Variants in DSCAM observed in about 807,000 individuals in gnomAD.
The protein encoded by DSCAM is cell adhesion molecule DSCAM.
In DSCAM, 47 loss-of-function variants were observed where a neutral mutation model predicts 217.7. The observed-to-expected ratio is 0.22, with a 90% CI of 0.17 to 0.28. The LOEUF (loss-of-function observed/expected upper bound fraction) is 0.28, where lower values mean the gene tolerates loss of function less well. Ranked by LOEUF, DSCAM falls within the 10% of genes least tolerant of loss-of-function variation. DSCAM has a pLI of 1.00. For synonymous variants in DSCAM, 1,056 were observed against 1,015.3 expected, an observed-to-expected ratio of 1.04 and a Z score of -0.76; for missense variants, 2,080 against 2,618.3, an observed-to-expected ratio of 0.79 and a Z score of 4.49.
chr21:40,118,626 T>C (rs532290995), intron 20 of DSCAM, among the ~76,000 whole-genome samples: 7 of 152,308 alleles, frequency 4.6e-5, no homozygotes, highest in Non-Finnish European at 8.8e-5. Context: ...AGAGAGCTCT[T>C]GTGACATGAT....
chr21:40,834,477 A>G (rs1271599454), intron 1 of DSCAM, among the ~76,000 whole-genome samples: 1 of 149,932 alleles, frequency 6.7e-6, no homozygotes, highest in Non-Finnish European at 1.5e-5. Context: ...ATAGTTGCCC[A>G]GTTCCATGGA....
At chr21:40,245,838 A>T (rs1255904630) in intron 11 of DSCAM, among the ~76,000 whole-genome samples, 6 of 152,150 alleles carry the variant, frequency 3.9e-5, no homozygotes, top group Non-Finnish European at 8.8e-5. Flanking sequence ...GGGATGGTAG[A>T]TTGCTGATAA....
At chr21:40,131,691 T>A (rs1180560060) in intron 19 of DSCAM, among the ~76,000 whole-genome samples, 4 of 152,170 alleles carry the variant, frequency 2.6e-5, no homozygotes, top group African/African-American at 9.7e-5. Context: ...TTTTTGAAAA[T>A]GCAGACTTAT....
intron 1 of DSCAM, among the ~76,000 whole-genome samples, chr21:40,816,803 T>A (rs1204678419): frequency 6.6e-6 from 1 of 152,202 alleles, no homozygotes; most frequent in Non-Finnish European, 1.5e-5. Flanking sequence ...TATGCCCATA[T>A]TTATTTTTTA....
intron 10 of DSCAM, among the ~76,000 whole-genome samples, chr21:40,289,322 A>G: frequency 6.6e-6 from 1 of 152,224 alleles, no homozygotes; most frequent in South Asian, 2.1e-4. Flanking sequence ...AGCCTCCATC[A>G]GTGAAAACAG....
chr21:40,301,688 C>T (rs2074017887), intron 9 of DSCAM, among the ~76,000 whole-genome samples: 1 of 122,452 alleles, frequency 8.2e-6, no homozygotes, highest in Non-Finnish European at 1.6e-5. Context: ...ATTCCTTTCT[C>T]ACAGGCCATG....
intron 1 of DSCAM, among the ~76,000 whole-genome samples, chr21:40,834,067 T>A (rs960197526): frequency 1.2e-4 from 18 of 152,176 alleles, no homozygotes; most frequent in Non-Finnish European, 1.5e-5. Flanking sequence ...GTCCGGTGCA[T>A]ACTTCTTTTA....
At chr21:40,548,720 C>T (rs955268653) in intron 3 of DSCAM, among the ~76,000 whole-genome samples, 1 of 152,116 alleles carries the variant, frequency 6.6e-6, no homozygotes, top group African/African-American at 2.4e-5. Flanking sequence ...AGCCTTTCTA[C>T]ATCCTCAACA....
At chr21:40,333,992 T>C (rs535292017) in intron 8 of DSCAM, among the ~76,000 whole-genome samples, 1 of 152,324 alleles carries the variant, frequency 6.6e-6, no homozygotes, top group East Asian at 1.9e-4. Context: ...AATCTAAAAA[T>C]AGGTAAACTT....
intron 16 of DSCAM, among the ~76,000 whole-genome samples, chr21:40,159,015 T>G (rs1366781280): frequency 6.6e-6 from 1 of 151,992 alleles, no homozygotes; most frequent in Non-Finnish European, 1.5e-5. Flanking sequence ...AAGGCACACA[T>G]TGTGTTTTTC....
chr21:40,785,564 T>C (rs1023177579), intron 1 of DSCAM, among the ~76,000 whole-genome samples: 1 of 152,268 alleles, frequency 6.6e-6, no homozygotes, highest in Non-Finnish European at 1.5e-5. Flanking sequence ...GTATGCTGCC[T>C]AAATCCTAAT....
intron 11 of DSCAM, among the ~76,000 whole-genome samples, chr21:40,206,686 C>CAA (rs537702443): frequency 2.8e-4 from 37 of 130,664 alleles, no homozygotes; most frequent in South Asian, 4.5e-4. Context: ...TGGGATTTGC[C>CAA]AAAAAAAAAA....
At chr21:40,205,593 ACT>A (rs1339703714) in intron 11 of DSCAM, among the ~76,000 whole-genome samples, 1 of 139,586 alleles carries the variant, frequency 7.2e-6, no homozygotes, top group African/African-American at 2.9e-5. Flanking sequence ...ACAGAGCAAG[ACT>A]CTATCTCAAA....
chr21:40,183,888 C>G (rs2090866018), intron 14 of DSCAM, among the ~76,000 whole-genome samples: 1 of 152,170 alleles, frequency 6.6e-6, no homozygotes, highest in Admixed American at 6.5e-5. Flanking sequence ...TTGCCTAAAA[C>G]AGATGTTGAG....
intron 3 of DSCAM, among the ~76,000 whole-genome samples, chr21:40,617,046 G>C (rs2089407931): frequency 7.0e-6 from 1 of 143,804 alleles, no homozygotes; most frequent in Non-Finnish European, 1.5e-5. Flanking sequence ...ATGGTTATGA[G>C]ACACCAGAAA....
intron 3 of DSCAM, among the ~76,000 whole-genome samples, chr21:40,397,864 A>G (rs932444740): frequency 2.8e-4 from 43 of 151,920 alleles, no homozygotes; most frequent in Admixed American, 2.4e-3. Context: ...CACCACTACT[A>G]CCACTACCAG....
intron 30 of DSCAM, 138 bp downstream of exon 30, chr21:40,051,820 T>C (rs2088936244): frequency 2.8e-6 from 3 of 1,055,758 alleles, no homozygotes; most frequent in Admixed American, 2.8e-5. Context: ...ATTATCCCAA[T>C]TAGGGATGTT....
intron 3 of DSCAM, among the ~76,000 whole-genome samples, chr21:40,671,999 C>T (rs1482365619): frequency 6.6e-6 from 1 of 152,138 alleles, no homozygotes; most frequent in East Asian, 1.9e-4. Context: ...CACTGTGTAT[C>T]TGGTGAAGGC....
chr21:40,764,361 A>T (rs1052539761), intron 1 of DSCAM, among the ~76,000 whole-genome samples: 2 of 152,028 alleles, frequency 1.3e-5, no homozygotes, highest in Non-Finnish European at 2.9e-5. Context: ...GCTCATCATC[A>T]CTGGTCATTA....
Sources: gnomAD v4.1 joint callset for allele counts (sites outside exome capture counted in the v4.1 genomes callset) on GRCh38, gnomAD v4.1.1 for gene constraint, MANE v1.5 for transcripts, NCBI Gene and HGNC (gene_info 2026-07-23, HGNC 2026-07-21) for gene names.